The following DLG1 variants were observed in gnomAD, a reference collection of about 807,000 sequenced individuals.
The protein encoded by DLG1 is discs large MAGUK scaffold protein 1.
In DLG1, 42 loss-of-function variants were observed where a neutral mutation model predicts 123.4. The ratio of observed to expected loss-of-function variants is 0.34; its 90% CI spans 0.27 to 0.44. DLG1 has a LOEUF of 0.44. Among genes scored for constraint, DLG1 ranks in the 20% least tolerant of loss-of-function variants. The pLI, the probability that DLG1 is intolerant of heterozygous loss-of-function variation, is 1.00. For synonymous variants in DLG1, 317 were observed against 356.2 expected (o/e 0.89, Z 1.24); for missense variants, 942 against 1,082.6 (o/e 0.87, Z 1.82).
At chr3:197,176,353 T>TGG (rs1807082475) in intron 5 of DLG1, among the ~76,000 whole-genome samples, 3 of 147,848 alleles carry the variant, frequency 2.0e-5, no homozygotes, top group Non-Finnish European at 4.6e-5. Flanking sequence ...GAGAGTTGAC[T>TGG]GTGGGGGCTG....
intron 13 of DLG1, among the ~76,000 whole-genome samples, chr3:197,113,593 C>A (rs1348082816): frequency 2.0e-5 from 3 of 152,068 alleles, no homozygotes; most frequent in Admixed American, 6.6e-5. Flanking sequence ...GCATAGTGTA[C>A]CTTTTTTCAC....
intron 2 of DLG1, chr3:197,296,961 G>GGGT: frequency 1.8e-6 from 1 of 554,812 alleles, no homozygotes; most frequent in Non-Finnish European, 3.1e-6. Flanking sequence ...GTTGGGGGGG[G>GGGT]GCTAACTGCC....
At chr3:197,239,453 G>A (rs1045535448) in intron 4 of DLG1, among the ~76,000 whole-genome samples, 1 of 152,010 alleles carries the variant, frequency 6.6e-6, no homozygotes, top group Non-Finnish European at 1.5e-5. Flanking sequence ...AAGGAGGAGG[G>A]ACTACTCACT....
intron 4 of DLG1, among the ~76,000 whole-genome samples, chr3:197,256,804 C>A (rs1157740518): frequency 6.6e-6 from 1 of 152,134 alleles, no homozygotes; most frequent in Non-Finnish European, 1.5e-5. Context: ...GGAGCTAAGA[C>A]TAAACGAAAC....
At chr3:197,209,881 T>C (rs539894184) in intron 4 of DLG1, among the ~76,000 whole-genome samples, 1 of 146,804 alleles carries the variant, frequency 6.8e-6, no homozygotes, top group Admixed American at 6.8e-5. Flanking sequence ...ACCCTTGGAA[T>C]GTCCTGATTG....
chr3:197,062,974 G>T (rs535160249), intron 22 of DLG1, among the ~76,000 whole-genome samples: 1 of 151,990 alleles, frequency 6.6e-6, no homozygotes, highest in Non-Finnish European at 1.5e-5. Context: ...CATTGTATTA[G>T]TTTATTTGCT....
intron 10 of DLG1, 64 bp downstream of exon 10, chr3:197,136,478 T>A: frequency 7.2e-7 from 1 of 1,384,502 alleles, no homozygotes; most frequent in South Asian, 1.4e-5. Flanking sequence ...GAAATTCCAG[T>A]ATCTATCAGA....
chr3:197,119,310 A>G, intron 12 of DLG1, 100 bp downstream of exon 12: 3 of 1,062,246 alleles, frequency 2.8e-6, no homozygotes, highest in South Asian at 2.3e-5. Flanking sequence ...CTGTCAATAA[A>G]ATTTTTTAGT....
chr3:197,279,545 ATTCTC>A (rs1768152000), intron 4 of DLG1, among the ~76,000 whole-genome samples: 2 of 152,260 alleles, frequency 1.3e-5, no homozygotes, highest in East Asian at 1.9e-4. Flanking sequence ...CTGTGACCAT[ATTCTC>A]TTCTCATCTA....
In DLG1 at chr3:197,124,360, C is replaced by T. The variant is rs572729532; in HGVS notation, c.1166-4830G>A. Among the ~76,000 whole-genome samples the T allele has an allele frequency of 2.4e-4, 37 of 152,138 alleles. No individual in the cohort carries two copies. In the East Asian group the frequency reaches 2.7e-3, roughly 11 times the overall value. ...CGCGATCTCAGCTCACTGCAAACTC[C>T]GCCTCCTGGGTTCAAGCAATTCTCC... On this transcript the variant is annotated intron_variant, in intron 11 of 24. Coordinates refer to ENST00000667157, the MANE Select transcript of DLG1 (RefSeq NM_001366207.1).
At chr3:197,171,831 T>C (rs928147680) in intron 5 of DLG1, among the ~76,000 whole-genome samples, 13 of 152,140 alleles carry the variant, frequency 8.5e-5, no homozygotes. Flanking sequence ...ATAATGTGCT[T>C]TTTTACCTGA....
At chr3:197,247,838 C>T (rs931675001) in intron 4 of DLG1, among the ~76,000 whole-genome samples, 24 of 152,238 alleles carry the variant, frequency 1.6e-4, no homozygotes, top group African/African-American at 5.8e-4. Context: ...CTCAATCCTT[C>T]ATATTAGAGG....
intron 24 of DLG1, among the ~76,000 whole-genome samples, chr3:197,046,283 A>AAAAC: frequency 6.6e-6 from 1 of 152,048 alleles, no homozygotes; most frequent in Non-Finnish European, 1.5e-5. Flanking sequence ...ATTTTAGGAG[A>AAAAC]AAACAGTCAG....
chr3:197,206,538 C>A (rs1392184679), intron 4 of DLG1, among the ~76,000 whole-genome samples: 1 of 152,008 alleles, frequency 6.6e-6, no homozygotes, highest in Non-Finnish European at 1.5e-5. Flanking sequence ...GAGCTCAAAG[C>A]GATACACCTG....
chr3:197,140,327 C>A lies in DLG1; in HGVS notation c.589-63G>T. 2.0e-6 allele frequency: 3 copies of A among 1,534,244 alleles called. No individual in the cohort carries two copies. The South Asian group carries it at 3.6e-5, about 18-fold the overall frequency. ...TTTATCTTTATGGACAGGTTCCTGT[C>A]ATTAAAGGACGCAGAAACTGTACTA... On this transcript the variant is annotated intron_variant, in intron 7 of 24. Coordinates refer to ENST00000667157, the MANE Select transcript of DLG1 (RefSeq NM_001366207.1).
At chr3:197,280,673 A>C (rs967192557) in intron 4 of DLG1, among the ~76,000 whole-genome samples, 4 of 152,254 alleles carry the variant, frequency 2.6e-5, no homozygotes, top group African/African-American at 9.6e-5. Flanking sequence ...AAGTAAATCG[A>C]GTATAAGAAT....
intron 4 of DLG1, among the ~76,000 whole-genome samples, chr3:197,217,139 C>A (rs932801415): frequency 2.0e-5 from 3 of 152,158 alleles, no homozygotes; most frequent in Non-Finnish European, 4.4e-5. Flanking sequence ...CTTGGACCAT[C>A]CCAGTATCCT....
intron 10 of DLG1, among the ~76,000 whole-genome samples, chr3:197,134,801 GTGT>G (rs1386620498): frequency 6.6e-6 from 1 of 152,262 alleles, no homozygotes; most frequent in Non-Finnish European, 1.5e-5. Context: ...CTTGGGTGAA[GTGT>G]TGTGCCATGG....
Position 197,044,482 on chromosome 3 carries a change from G to A in DLG1, c.*141C>T, listed in dbSNP as rs1256785718. ...ATGTAACTTGAAGGAGACACTACATGTGAAAAAGAAGCTGCAGACCATGAT... is the reference window on the plus strand; with the variant it reads ...ATGTAACTTGAAGGAGACACTACATATGAAAAAGAAGCTGCAGACCATGAT... On this transcript the variant is annotated 3_prime_UTR_variant, in exon 25 of 25. Coordinates refer to ENST00000667157, the MANE Select transcript of DLG1 (RefSeq NM_001366207.1). The A allele has an allele frequency of 1.9e-6, 1 of 520,762 alleles. No individual in the cohort carries two copies. The highest frequency in any genetic ancestry group is 3.4e-6 in the Non-Finnish European group (1 of 291,794). 32.3% of individuals were successfully genotyped at this position (520,762 alleles called of 1,614,324 possible). A position where few individuals can be genotyped will look rare whatever the true frequency, so the allele number is the denominator to read the frequency against.
Sources: gnomAD v4.1 joint callset for allele counts (sites outside exome capture counted in the v4.1 genomes callset) on GRCh38, gnomAD v4.1.1 for gene constraint, MANE v1.5 for transcripts, NCBI Gene and HGNC (gene_info 2026-07-23, HGNC 2026-07-21) for gene names.